The following NAA15 variants were observed in gnomAD, a reference collection of about 807,000 sequenced individuals.
The protein encoded by NAA15 is N-terminal acetyltransferase.
Under a neutral mutation model 114.0 loss-of-function variants are expected in NAA15, and 34 were observed. The observed-to-expected ratio is 0.30, with a 90% CI of 0.23 to 0.40. The LOEUF is 0.40. NAA15 is among the 10% of genes least tolerant of loss of function. NAA15 has a pLI of 1.00. For missense variants in NAA15, 658 were observed against 1,004.5 expected, an observed-to-expected ratio of 0.66 and a Z score of 4.66; for synonymous variants, 340 against 338.0, an observed-to-expected ratio of 1.01 and a Z score of -0.06.
chr4:139,378,950 T>TA, intron 17 of NAA15, 96 bp downstream of exon 17: 4 of 760,968 alleles, frequency 5.3e-6, no homozygotes, highest in Middle Eastern at 2.4e-4. Context: ...CCAAATGATT[T>TA]TAAAGCTGTC....
chr4:139,362,362 C>T (rs539378558), intron 14 of NAA15, among the ~76,000 whole-genome samples: 2 of 152,148 alleles, frequency 1.3e-5, no homozygotes, highest in African/African-American at 4.8e-5. Context: ...TCACTGCAAC[C>T]TCCCAGGTTC....
At chr4:139,306,641 A>G (rs1174940642) in intron 1 of NAA15, among the ~76,000 whole-genome samples, 1 of 151,862 alleles carries the variant, frequency 6.6e-6, no homozygotes, top group East Asian at 1.9e-4. Flanking sequence ...TGTAATTACA[A>G]ACTTTTAACT....
intron 1 of NAA15, among the ~76,000 whole-genome samples, chr4:139,329,703 G>A (rs180924243): frequency 2.0e-5 from 3 of 152,210 alleles, no homozygotes; most frequent in South Asian, 2.1e-4. Flanking sequence ...TCTTTGTCTG[G>A]CCTTGTTATG....
At chr4:139,346,462 G>C (rs1747584916) in intron 6 of NAA15, among the ~76,000 whole-genome samples, 1 of 152,092 alleles carries the variant, frequency 6.6e-6, no homozygotes, top group South Asian at 2.1e-4. Context: ...CAGTGTTGCT[G>C]GTAGGGATAG....
chr4:139,314,035 T>TA (rs1746303763), intron 1 of NAA15, among the ~76,000 whole-genome samples: 1 of 151,938 alleles, frequency 6.6e-6, no homozygotes, highest in Non-Finnish European at 1.5e-5. Context: ...AAAATGGTAG[T>TA]ACTGTTTTAC....
intron 11 of NAA15, 27 bp from the exon 12 acceptor site, chr4:139,359,716 G>A (rs1484489893): frequency 6.3e-7 from 1 of 1,577,840 alleles, no homozygotes; most frequent in South Asian, 1.2e-5. Flanking sequence ...ATGCTAACTG[G>A]TTTATTTTGC....
At chr4:139,338,893 C>T (rs1311379226) in intron 3 of NAA15, among the ~76,000 whole-genome samples, 1 of 152,164 alleles carries the variant, frequency 6.6e-6, no homozygotes, top group Non-Finnish European at 1.5e-5. Context: ...TCACTGCAAC[C>T]TCTACCTCCT....
At chr4:139,364,030 G>A (rs1748208012) in intron 14 of NAA15, among the ~76,000 whole-genome samples, 1 of 152,136 alleles carries the variant, frequency 6.6e-6, no homozygotes, top group Admixed American at 6.6e-5. Flanking sequence ...ACAGGTGCGT[G>A]CCACTGCACC....
At chr4:139,368,505 G>A (rs968318556) in intron 14 of NAA15, among the ~76,000 whole-genome samples, 1 of 152,186 alleles carries the variant, frequency 6.6e-6, no homozygotes, top group East Asian at 1.9e-4. Context: ...TACTCTCATG[G>A]CCAGAGGCAT....
intron 1 of NAA15, among the ~76,000 whole-genome samples, chr4:139,307,552 CT>C (rs1317614849): frequency 6.6e-6 from 1 of 152,252 alleles, no homozygotes; most frequent in East Asian, 1.9e-4. Context: ...CAGATGTGAG[CT>C]ACTGTGCCTG....
chr4:139,317,623 A>G (rs928955086), intron 1 of NAA15, among the ~76,000 whole-genome samples: 2 of 152,202 alleles, frequency 1.3e-5, no homozygotes, highest in Admixed American at 1.3e-4. Flanking sequence ...ACTGTCTTGA[A>G]AAAACAACAA....
chr4:139,318,572 G>A (rs1303829034), intron 1 of NAA15: 1 of 152,200 alleles, frequency 6.6e-6, no homozygotes. Context: ...TGTCAAAGGA[G>A]GCTGGGCATG....
chr4:139,339,923 G>A (rs531844181), intron 3 of NAA15, among the ~76,000 whole-genome samples: 2 of 152,178 alleles, frequency 1.3e-5, no homozygotes, highest in South Asian at 2.1e-4. Context: ...CTCCTTGATA[G>A]CAGTTTTTAC....
At chr4:139,316,458 C>G (rs1480911042) in intron 1 of NAA15, among the ~76,000 whole-genome samples, 1 of 151,826 alleles carries the variant, frequency 6.6e-6, no homozygotes. Flanking sequence ...TCATGTTTTA[C>G]AAGTTCCTGT....
In NAA15 at chr4:139,314,994, A is replaced by AG. The variant is rs1560952684; in HGVS notation, c.54+13164dup. Among the ~76,000 whole-genome samples the AG allele has an allele frequency of 8.8e-4, 53 of 59,964 alleles. 3 individuals carry two copies. Among genetic ancestry groups the AG allele is most frequent in the Admixed American group, 1.3e-3 (9 of 6,708 alleles). 39.3% of individuals were successfully genotyped at this position (59,964 alleles called of 152,430 possible). On this transcript the variant is annotated intron_variant, in intron 1 of 19. Transcript: ENST00000296543. ...CCCGGCCTAGAGAAGCGTTCAGTTC[A>AG]GTTCAGTTTAGTTTAGGTTAGGTTA...
intron 16 of NAA15, among the ~76,000 whole-genome samples, chr4:139,376,864 C>T (rs978155967): frequency 6.6e-6 from 1 of 151,994 alleles, no homozygotes; most frequent in African/African-American, 2.4e-5. Flanking sequence ...AATTTTGAGC[C>T]TGGATCTTGA....
intron 1 of NAA15, among the ~76,000 whole-genome samples, chr4:139,311,522 A>G (rs1228532607): frequency 6.6e-6 from 1 of 151,998 alleles, no homozygotes; most frequent in Non-Finnish European, 1.5e-5. Flanking sequence ...AGTTTAATTT[A>G]TAAATGAATT....
intron 10 of NAA15, among the ~76,000 whole-genome samples, chr4:139,356,813 TGTC>T (rs942513967): frequency 1.3e-5 from 2 of 152,164 alleles, no homozygotes; most frequent in East Asian, 1.9e-4. Context: ...TTTTTTTACT[TGTC>T]ATCTCATTTT....
rs1413704090 is a variant in NAA15, at chr4:139,354,024, A to T, written c.1015-2A>T. The T allele has an allele frequency of 6.2e-7, 1 of 1,611,750 alleles. No individual in the cohort carries two copies. Among genetic ancestry groups the T allele is most frequent in the Admixed American group, 1.7e-5 (1 of 59,822 alleles). On this transcript the variant is annotated splice_acceptor_variant, in intron 9 of 19. Transcript: ENST00000296543. LOFTEE classifies it high-confidence loss of function. ...AAGTGTGTTTGTGTGTTTGTACTCT[A>T]GGTGGCAATCATAGAAGAGTTAGTA...
Sources: allele counts gnomAD v4.1 joint callset (sites outside exome capture counted in the v4.1 genomes callset), GRCh38; gene constraint gnomAD v4.1.1; transcripts MANE v1.5; gene names NCBI Gene and HGNC (gene_info 2026-07-23, HGNC 2026-07-21).